The following KCNH7 variants were observed in gnomAD, a reference collection of about 807,000 sequenced individuals.
KCNH7 encodes the protein potassium voltage-gated channel subfamily H member 7.
In KCNH7, 49 loss-of-function variants were observed where a neutral mutation model predicts 120.8. That is an observed-to-expected ratio of 0.41 (90% CI 0.32 to 0.51). The LOEUF is 0.51. KCNH7 is among the 20% of genes least tolerant of loss of function. The probability of loss-of-function intolerance (pLI) is 0.38; values close to 1 mark genes in which losing one functional copy is unlikely to be tolerated. For missense variants in KCNH7, 1,097 were observed against 1,446.6 expected (o/e 0.76, Z 3.92); for synonymous variants, 547 against 516.1 (o/e 1.06, Z -0.81).
chr2:162,775,276 C>T (rs1351253986), intron 2 of KCNH7, among the ~76,000 whole-genome samples: 1 of 152,102 alleles, frequency 6.6e-6, no homozygotes, highest in Non-Finnish European at 1.5e-5. Flanking sequence ...CTATATTGTA[C>T]TTTTCATTTC....
chr2:162,624,889 GTTTTTTTTTTT>G lies in KCNH7; in HGVS notation c.308-87820_308-87810del. 4.3e-5 allele frequency among the ~76,000 whole-genome samples: 3 copies of G among 69,738 alleles called. No homozygotes were observed. In the South Asian group the frequency reaches 2.0e-3, roughly 46 times the overall value. 45.8% of individuals were successfully genotyped at this position (69,738 alleles called of 152,430 possible). ...CATGGTGGTTAAACGTGCACTCTTG[GTTTTTTTTTTT>G]TTTTTTTTTTTTTTGAGATGGAGTT... On this transcript the variant is annotated intron_variant, in intron 2 of 15. Transcript: ENST00000332142.
chr2:162,656,261 A>G (rs1488620039), intron 2 of KCNH7, among the ~76,000 whole-genome samples: 1 of 152,228 alleles, frequency 6.6e-6, no homozygotes, highest in East Asian at 1.9e-4. Flanking sequence ...GTTTCTATAC[A>G]ACCTTCATGT....
chr2:162,477,426 T>C (rs1205267869), intron 6 of KCNH7, among the ~76,000 whole-genome samples: 1 of 152,180 alleles, frequency 6.6e-6, no homozygotes, highest in East Asian at 1.9e-4. Context: ...TTCCAGTTCT[T>C]AGGCAAGCCT....
intron 2 of KCNH7, among the ~76,000 whole-genome samples, chr2:162,767,358 A>G (rs1371492296): frequency 1.3e-5 from 2 of 152,156 alleles, no homozygotes; most frequent in Non-Finnish European, 2.9e-5. Flanking sequence ...TTACCAATTT[A>G]CATTTCCACA....
At chr2:162,409,015 C>T (rs905998248) in intron 9 of KCNH7, among the ~76,000 whole-genome samples, 8 of 151,506 alleles carry the variant, frequency 5.3e-5, no homozygotes, top group African/African-American at 1.9e-4. Flanking sequence ...AATAAAGACT[C>T]AAACAATAGC....
At chr2:162,488,829 C>T (rs903832256) in intron 6 of KCNH7, among the ~76,000 whole-genome samples, 5 of 152,186 alleles carry the variant, frequency 3.3e-5, no homozygotes, top group African/African-American at 1.2e-4. Flanking sequence ...AGTGCCAGGG[C>T]TCCGACACCT....
chr2:162,504,230 A>G (rs1031562444), intron 6 of KCNH7, among the ~76,000 whole-genome samples: 7 of 152,008 alleles, frequency 4.6e-5, no homozygotes, highest in Non-Finnish European at 1.0e-4. Context: ...ATGTTAGCCC[A>G]TTTTTGCTTA....
chr2:162,824,661 G>T (rs1056269199), intron 2 of KCNH7, among the ~76,000 whole-genome samples: 13 of 152,024 alleles, frequency 8.6e-5, no homozygotes, highest in African/African-American at 3.1e-4. Flanking sequence ...CTGATACTGT[G>T]TTATAATTCT....
At chr2:162,730,675 A>T (rs1469959809) in intron 2 of KCNH7, among the ~76,000 whole-genome samples, 1 of 152,066 alleles carries the variant, frequency 6.6e-6, no homozygotes, top group Non-Finnish European at 1.5e-5. Context: ...ATCTTACATA[A>T]AGCATAGCAG....
chr2:162,567,272 A>G (rs1234225654), intron 2 of KCNH7, among the ~76,000 whole-genome samples: 1 of 152,046 alleles, frequency 6.6e-6, no homozygotes, highest in Non-Finnish European at 1.5e-5. Flanking sequence ...CATTAAGAAC[A>G]AAAGAGATCC....
At chr2:162,412,350 C>G (rs1045127650) in intron 9 of KCNH7, among the ~76,000 whole-genome samples, 1 of 151,878 alleles carries the variant, frequency 6.6e-6, no homozygotes, top group Non-Finnish European at 1.5e-5. Flanking sequence ...ACTTTGTCTA[C>G]GTATTAGATT....
intron 3 of KCNH7, among the ~76,000 whole-genome samples, chr2:162,521,593 TA>T (rs1351971075): frequency 2.0e-5 from 3 of 151,868 alleles, no homozygotes; most frequent in Non-Finnish European, 4.4e-5. Context: ...ATCATTGCAA[TA>T]GAACTAAACA....
At chr2:162,772,531 A>ATTTCTCCTG (rs768146733) in intron 2 of KCNH7, among the ~76,000 whole-genome samples, 4,584 of 152,228 alleles carry the variant, frequency 0.03, 104 homozygotes, top group Non-Finnish European at 0.04. Flanking sequence ...TGGAGTATTT[A>ATTTCTCCTG]TTGAATCTCT....
intron 3 of KCNH7, among the ~76,000 whole-genome samples, chr2:162,527,141 TA>T (rs1691735770): frequency 6.6e-6 from 1 of 151,960 alleles, no homozygotes; most frequent in African/African-American, 2.4e-5. Flanking sequence ...GCACATGACA[TA>T]AAATTTTTTG....
chr2:162,654,994 T>C (rs1684695510), intron 2 of KCNH7, among the ~76,000 whole-genome samples: 1 of 151,948 alleles, frequency 6.6e-6, no homozygotes, highest in Non-Finnish European at 1.5e-5. Flanking sequence ...AGGAGCAGGA[T>C]TAGGAGATGT....
intron 2 of KCNH7, among the ~76,000 whole-genome samples, chr2:162,558,143 G>A (rs1692924307): frequency 6.6e-6 from 1 of 151,000 alleles, no homozygotes; most frequent in Admixed American, 6.6e-5. Flanking sequence ...TAGTAACGAA[G>A]ATTAAAATGT....
intron 2 of KCNH7, among the ~76,000 whole-genome samples, chr2:162,831,318 G>A (rs1685468846): frequency 1.3e-5 from 2 of 152,146 alleles, no homozygotes; most frequent in Non-Finnish European, 2.9e-5. Context: ...CTCTCTCCCA[G>A]TATGTAGAGG....
At chr2:162,702,027 A>T (rs950606822) in intron 2 of KCNH7, among the ~76,000 whole-genome samples, 4 of 151,790 alleles carry the variant, frequency 2.6e-5, no homozygotes, top group Non-Finnish European at 5.9e-5. Flanking sequence ...AAGAAAAAAA[A>T]CTTTCTATGT....
intron 11 of KCNH7, among the ~76,000 whole-genome samples, chr2:162,395,688 A>G (rs987669990): frequency 6.6e-6 from 1 of 151,742 alleles, no homozygotes; most frequent in African/African-American, 2.4e-5. Context: ...ATCTTTTTCC[A>G]CTTCAATTAA....
Sources: gnomAD v4.1 joint callset for allele counts (sites outside exome capture counted in the v4.1 genomes callset) on GRCh38, gnomAD v4.1.1 for gene constraint, MANE v1.5 for transcripts, NCBI Gene and HGNC (gene_info 2026-07-23, HGNC 2026-07-21) for gene names.